Variants in ATRX observed in about 807,000 individuals in gnomAD.
ATRX encodes chromatin remodeler ATRX.
ATRX carries 12 observed loss-of-function variants against 172.6 expected under a neutral mutation model. The observed-to-expected ratio is 0.07, with a 90% CI of 0.04 to 0.11. ATRX has a LOEUF of 0.11. ATRX is among the 10% of genes least tolerant of loss of function. ATRX has a pLI of 1.00. For missense variants in ATRX, 1,368 were observed against 1,767.4 expected (o/e 0.77, Z 4.05); for synonymous variants, 674 against 594.7 (o/e 1.13, Z -1.94).
chrX:77,759,732 T>TA (rs2075647659), intron 1 of ATRX, among the ~76,000 whole-genome samples: 1 of 110,165 alleles, frequency 9.1e-6, no homozygotes. Flanking sequence ...AAAATAAAAA[T>TA]AAAATAATAA....
intron 2 of ATRX, among the ~76,000 whole-genome samples, chrX:77,710,965 A>C (rs1603261299): frequency 1.0e-5 from 1 of 98,335 alleles, no homozygotes; most frequent in African/African-American, 3.4e-5. Flanking sequence ...CACACACACA[A>C]AGTAAAACTG....
intron 30 of ATRX, 88 bp downstream of exon 30, chrX:77,557,363 C>A: frequency 1.1e-6 from 1 of 894,375 alleles, no homozygotes; most frequent in Admixed American, 2.3e-5. Flanking sequence ...TGAAATATAG[C>A]CTTAATCAGA....
chrX:77,563,760 CCTCA>C (rs1569523820), intron 28 of ATRX, among the ~76,000 whole-genome samples: 2 of 106,380 alleles, frequency 1.9e-5, no homozygotes, highest in African/African-American at 6.9e-5. Flanking sequence ...ACGGCATTAG[CCTCA>C]CTGTGATTAT....
intron 1 of ATRX, among the ~76,000 whole-genome samples, chrX:77,720,989 G>A (rs1327883980): frequency 9.0e-6 from 1 of 111,555 alleles, no homozygotes; most frequent in African/African-American, 3.3e-5. Context: ...CGATCAAGTC[G>A]GCTTCATCCC....
At chrX:77,691,276 T>A (rs1228513328) in intron 6 of ATRX, 1 of 112,084 alleles carries the variant, frequency 8.9e-6, no homozygotes, top group African/African-American at 3.2e-5. Context: ...GAACCAATAT[T>A]TTACTTAAGT....
chrX:77,686,496 A>C (rs2071562450), intron 7 of ATRX, among the ~76,000 whole-genome samples: 1 of 111,826 alleles, frequency 8.9e-6, no homozygotes, highest in African/African-American at 3.3e-5. Flanking sequence ...AGGGTGGATC[A>C]CCTGAGGTCA....
intron 1 of ATRX, among the ~76,000 whole-genome samples, chrX:77,746,417 C>A (rs892967195): frequency 8.9e-6 from 1 of 111,841 alleles, no homozygotes; most frequent in Admixed American, 9.5e-5. Flanking sequence ...TCTGTATATA[C>A]TTATTGTATT....
chrX:77,668,360 T>C (rs1235754637), intron 10 of ATRX, among the ~76,000 whole-genome samples: 1 of 111,942 alleles, frequency 8.9e-6, no homozygotes, highest in Non-Finnish European at 1.9e-5. Flanking sequence ...TGGATCATGC[T>C]GGATGTATAG....
intron 1 of ATRX, among the ~76,000 whole-genome samples, chrX:77,780,807 A>T (rs1261315046): frequency 9.1e-6 from 1 of 109,911 alleles, no homozygotes; most frequent in Non-Finnish European, 1.9e-5. Context: ...GCGGGGCATG[A>T]TGACACACCT....
At chrX:77,751,281 GTGA>G (rs1229103466) in intron 1 of ATRX, among the ~76,000 whole-genome samples, 1 of 112,759 alleles carries the variant, frequency 8.9e-6, no homozygotes, top group Non-Finnish European at 1.9e-5. Flanking sequence ...CTAATGACCA[GTGA>G]TGATGAGCTT....
chrX:77,713,547 G>A (rs2073215411), intron 2 of ATRX, among the ~76,000 whole-genome samples: 1 of 111,601 alleles, frequency 9.0e-6, no homozygotes, highest in Non-Finnish European at 1.9e-5. Flanking sequence ...AGGTCAGCAG[G>A]AGCCATCCAG....
chrX:77,634,704 CT>C lies in ATRX; in HGVS notation c.4700-2del. The C allele has an allele frequency of 8.4e-7, 1 of 1,193,927 alleles. No homozygotes were observed. The highest frequency in any genetic ancestry group is 1.1e-6 in the Non-Finnish European group (1 of 879,709). ...CAGCAATCCCACATAAACTGAACAC[CT>C]AAAAATAACAGCTTCATTAAGTTAA... On this transcript the variant is annotated splice_acceptor_variant, in intron 16 of 34. Coordinates refer to ENST00000373344, the MANE Select transcript of ATRX (RefSeq NM_000489.6). LOFTEE classifies it high-confidence loss of function.
chrX:77,614,310 C>G (rs1280923962), intron 22 of ATRX, among the ~76,000 whole-genome samples: 3 of 111,726 alleles, frequency 2.7e-5, no homozygotes, highest in Non-Finnish European at 5.7e-5. Flanking sequence ...CCCACTTGGC[C>G]TTTTATGAAT....
At chrX:77,659,216 T>A (rs1364658870) in intron 12 of ATRX, among the ~76,000 whole-genome samples, 2 of 110,477 alleles carry the variant, frequency 1.8e-5, no homozygotes, top group Admixed American at 9.7e-5. Context: ...AATTTTATGT[T>A]ACATATATTT....
chrX:77,588,963 G>A (rs1273553464), intron 27 of ATRX, among the ~76,000 whole-genome samples: 1 of 112,146 alleles, frequency 8.9e-6, no homozygotes, highest in African/African-American at 3.2e-5. Flanking sequence ...AAACAAAAAT[G>A]AAAAATAACA....
intron 21 of ATRX, among the ~76,000 whole-genome samples, chrX:77,617,494 T>G (rs993931888): frequency 1.8e-5 from 2 of 110,735 alleles, no homozygotes; most frequent in Non-Finnish European, 3.8e-5. Context: ...GATAGCAAAA[T>G]CCATGAAAGT....
At position 77,603,532 on chromosome X, in the gene ATRX, A is replaced by ATT. The variant is rs35174330; in HGVS notation, c.5567-2970_5567-2969dup. ...AGGTGCCTGCCACCATGCTCGGCTAATTTTTTTTTTTTTTTGTATTTTTAG... is the reference window on the plus strand; with the variant it reads ...AGGTGCCTGCCACCATGCTCGGCTAATTTTTTTTTTTTTTTTTGTATTTTTAG... On this transcript the variant is annotated intron_variant, in intron 22 of 34. Coordinates refer to ENST00000373344, the MANE Select transcript of ATRX (RefSeq NM_000489.6). 8.4e-4 allele frequency among the ~76,000 whole-genome samples: 80 copies of ATT among 94,698 alleles called. 2 individuals are homozygous for ATT. Among genetic ancestry groups the ATT allele is most frequent in the South Asian group, 2.6e-3 (5 of 1,908 alleles). 82.2% of individuals were successfully genotyped at this position (94,698 alleles called of 115,157 possible).
At chrX:77,779,652 T>C (rs185440431) in intron 1 of ATRX, among the ~76,000 whole-genome samples, 16 of 112,383 alleles carry the variant, frequency 1.4e-4, no homozygotes, top group Admixed American at 6.7e-4. Context: ...AAGAATGCCT[T>C]AAGATGGCAG....
chrX:77,632,218 C>T, intron 19 of ATRX, among the ~76,000 whole-genome samples: 1 of 84,822 alleles, frequency 1.2e-5, no homozygotes, highest in Non-Finnish European at 2.3e-5. Context: ...ACAAATGTTA[C>T]CCTTCATGTT....
Sources: gnomAD v4.1 joint callset for allele counts (sites outside exome capture counted in the v4.1 genomes callset) on GRCh38, gnomAD v4.1.1 for gene constraint, MANE v1.5 for transcripts, NCBI Gene and HGNC (gene_info 2026-07-23, HGNC 2026-07-21) for gene names.